The following PLBD1 variants were observed in gnomAD, a reference collection of about 807,000 sequenced individuals.
PLBD1 encodes the protein phospholipase B domain containing 1, also known as lysosomal leucine aminopeptidase.
In PLBD1, 60 loss-of-function variants were observed where a neutral mutation model predicts 63.0. That is an observed-to-expected ratio of 0.95 (90% CI 0.77 to 1.18). The LOEUF (loss-of-function observed/expected upper bound fraction) is 1.18. Among genes scored for constraint, PLBD1 ranks in the 50% most tolerant of loss-of-function variants. The probability of loss-of-function intolerance (pLI) is 0.00; values close to 1 mark genes in which losing one functional copy is unlikely to be tolerated. For synonymous variants in PLBD1, 262 were observed against 248.0 expected, an observed-to-expected ratio of 1.06 and a Z score of -0.53; for missense variants, 598 against 677.9, an observed-to-expected ratio of 0.88 and a Z score of 1.31.
Position 14,567,755 on chromosome 12 carries a change from C to T in PLBD1, c.-59G>A. On this transcript the variant is annotated 5_prime_UTR_variant, in exon 1 of 11. Coordinates refer to ENST00000240617, the MANE Select transcript of PLBD1 (RefSeq NM_024829.6). Reference sequence around the variant, plus strand: ...AGGCGGCCGCGGTGGCCCGCGGTGGCAGAAGTTGCAAGAGAGGCTCCTGGC... The same window carrying T: ...AGGCGGCCGCGGTGGCCCGCGGTGGTAGAAGTTGCAAGAGAGGCTCCTGGC... 2 of 1,382,130 alleles carry T rather than the reference C, an allele frequency of 1.4e-6. No homozygotes were observed. Among genetic ancestry groups the T allele is most frequent in the Non-Finnish European group, 1.9e-6 (2 of 1,079,660 alleles). The allele number at this position is 1,382,130 out of a possible 1,614,324, so 85.6% of individuals were successfully genotyped here.
chr12:14,521,416 C>T lies in PLBD1; in HGVS notation c.845-9705G>A, dbSNP rs573198852. 4.6e-5 allele frequency among the ~76,000 whole-genome samples: 7 copies of T among 152,098 alleles called. No homozygotes were observed. The South Asian group carries it at 1.0e-3, about 23-fold the overall frequency. ...CCTATTGGAGTAGGCCTTGTGCACC[C>T]GTGGCGCATGAAACAAACTGGCACC... On this transcript the variant is annotated intron_variant, in intron 6 of 10. Transcript: ENST00000240617.
chr12:14,555,254 G>A (rs2136932405), intron 1 of PLBD1, among the ~76,000 whole-genome samples: 1 of 152,208 alleles, frequency 6.6e-6, no homozygotes, highest in East Asian at 1.9e-4. Flanking sequence ...TAAAAGTTCT[G>A]CTGCTGGGAG....
chr12:14,503,840 C>G lies in PLBD1; in HGVS notation c.1594G>C (p.Gly532Arg). Residue 532 changes from glycine to arginine, a missense_variant, in exon 11 of 11, where the codon GGC becomes CGC. Physicochemically the swap from Gly to Arg is moderately radical, Grantham distance 125 (BLOSUM62 -2). Transcript: ENST00000240617. ...WDRFNKTLHQGMPEVYNFDFI... is the reference protein window; with the variant it reads ...WDRFNKTLHQRMPEVYNFDFI... ...TCAAAGTTGTAGACCTCTGGCATGC[C>G]CTGATGTAGAGTTTTGTTGAAACGG... 1 of 1,613,686 alleles carries G rather than the reference C, an allele frequency of 6.2e-7. No homozygotes were observed. The highest frequency in any genetic ancestry group is 8.5e-7 in the Non-Finnish European group (1 of 1,179,814).
At chr12:14,529,168 C>A (rs1301772471) in intron 6 of PLBD1, among the ~76,000 whole-genome samples, 3 of 151,806 alleles carry the variant, frequency 2.0e-5, no homozygotes, top group Non-Finnish European at 2.9e-5. Context: ...GTACTCCAGC[C>A]TGGGGGACAG....
chr12:14,540,924 C>T (rs1252474485), intron 3 of PLBD1, 22 bp from the exon 4 acceptor site: 2 of 1,579,222 alleles, frequency 1.3e-6, no homozygotes, highest in African/African-American at 1.3e-5. Context: ...ATTAGATTTG[C>T]ACCACAGTCT....
At chr12:14,527,816 CAAA>C in intron 6 of PLBD1, among the ~76,000 whole-genome samples, 1 of 146,504 alleles carries the variant, frequency 6.8e-6, no homozygotes, top group East Asian at 2.0e-4. Context: ...TATGAAATGA[CAAA>C]AAAAAAAGAA....
intron 2 of PLBD1, among the ~76,000 whole-genome samples, chr12:14,544,707 G>A (rs1252538743): frequency 6.6e-6 from 1 of 151,878 alleles, no homozygotes; most frequent in Non-Finnish European, 1.5e-5. Context: ...TTCTCTGATT[G>A]TATCTAGTCT....
chr12:14,546,777 T>A (rs1945619837), intron 2 of PLBD1, among the ~76,000 whole-genome samples: 1 of 152,204 alleles, frequency 6.6e-6, no homozygotes, highest in Non-Finnish European at 1.5e-5. Context: ...GACTTGAGTG[T>A]CATTGCTGAG....
At chr12:14,545,914 C>G (rs1403508457) in intron 2 of PLBD1, among the ~76,000 whole-genome samples, 2 of 151,962 alleles carry the variant, frequency 1.3e-5, no homozygotes, top group African/African-American at 4.8e-5. Context: ...CTGCTTTGAT[C>G]CATTCGGTTA....
intron 4 of PLBD1, 148 bp from the exon 5 acceptor site, chr12:14,536,858 G>A (rs1945521102): frequency 7.9e-6 from 8 of 1,006,938 alleles, no homozygotes; most frequent in South Asian, 7.9e-5. Flanking sequence ...GGAGGCCAAC[G>A]CGGGTGGATC....
At chr12:14,522,730 C>A (rs1945386697) in intron 6 of PLBD1, among the ~76,000 whole-genome samples, 1 of 152,054 alleles carries the variant, frequency 6.6e-6, no homozygotes, top group Admixed American at 6.6e-5. Context: ...AAACATAATA[C>A]ATCATATTAA....
At chr12:14,511,230 G>T in intron 8 of PLBD1, 30 bp downstream of exon 8, 1 of 1,549,944 alleles carries the variant, frequency 6.5e-7, no homozygotes, top group Non-Finnish European at 8.7e-7. Context: ...TACTCATCAG[G>T]TTTTAAGACT....
intron 8 of PLBD1, among the ~76,000 whole-genome samples, chr12:14,510,582 G>A (rs375990122): frequency 4.6e-5 from 7 of 152,144 alleles, no homozygotes; most frequent in African/African-American, 9.7e-5. Flanking sequence ...TTACAAATAC[G>A]TGGTTGTGGA....
intron 1 of PLBD1, among the ~76,000 whole-genome samples, chr12:14,565,862 G>A (rs1945776478): frequency 6.6e-6 from 1 of 152,164 alleles, no homozygotes; most frequent in Non-Finnish European, 1.5e-5. Context: ...GCATGGTGCT[G>A]TCAGGATCAC....
At chr12:14,504,067 G>T (rs1945228644) in intron 10 of PLBD1, 113 bp from the exon 11 acceptor site, 1 of 1,037,242 alleles carries the variant, frequency 9.6e-7, no homozygotes, top group Non-Finnish European at 1.4e-6. Context: ...CTTTTTTTTT[G>T]AGTCGGAGTT....
chr12:14,545,954 G>A (rs1352563864), intron 2 of PLBD1, among the ~76,000 whole-genome samples: 1 of 152,100 alleles, frequency 6.6e-6, no homozygotes, highest in Non-Finnish European at 1.5e-5. Context: ...ACAAGAGCAA[G>A]AACAGCAATA....
chr12:14,503,674 T>C lies in PLBD1; in HGVS notation c.*98A>G, dbSNP rs1945222386. Reference sequence around the variant, plus strand: ...GTCAGTGGGAAATGAAAGTGACAAATTAATATATTTTATTGCATAATTCTG... The same window carrying C: ...GTCAGTGGGAAATGAAAGTGACAAACTAATATATTTTATTGCATAATTCTG... On this transcript the variant is annotated 3_prime_UTR_variant, in exon 11 of 11. Coordinates refer to ENST00000240617, the MANE Select transcript of PLBD1 (RefSeq NM_024829.6). The C allele has an allele frequency of 8.8e-7, 1 of 1,136,392 alleles. No homozygotes were observed. The highest frequency in any genetic ancestry group is 2.4e-5 in the Admixed American group (1 of 42,340). 70.4% of individuals were successfully genotyped at this position (1,136,392 alleles called of 1,614,324 possible). A position where few individuals can be genotyped will look rare whatever the true frequency, so the allele number is the denominator to read the frequency against.
intron 4 of PLBD1, among the ~76,000 whole-genome samples, 162 bp from the exon 5 acceptor site, chr12:14,536,872 C>T (rs1461101308): frequency 1.3e-5 from 2 of 151,964 alleles, no homozygotes; most frequent in Non-Finnish European, 2.9e-5. Context: ...GTGGATCTCC[C>T]GAGGTGAGGG....
chr12:14,566,404 C>T (rs1945782104), intron 1 of PLBD1, among the ~76,000 whole-genome samples: 1 of 152,132 alleles, frequency 6.6e-6, no homozygotes, highest in South Asian at 2.1e-4. Flanking sequence ...GAAGGGGCAT[C>T]CTCCCCCAAG....
Sources: allele counts gnomAD v4.1 joint callset (sites outside exome capture counted in the v4.1 genomes callset), GRCh38; gene constraint gnomAD v4.1.1; transcripts MANE v1.5; gene names NCBI Gene and HGNC (gene_info 2026-07-23, HGNC 2026-07-21).